SASH1: variants seen among roughly 807,000 people sequenced by gnomAD.
SASH1 encodes the protein SAM and SH3 domain containing 1.
In SASH1, 44 loss-of-function variants were observed where a neutral mutation model predicts 125.2. That is an observed-to-expected ratio of 0.35 (90% CI 0.28 to 0.45). SASH1 has a LOEUF of 0.45. Ranked by LOEUF, SASH1 falls within the 20% of genes least tolerant of loss-of-function variation. The pLI is 1.00. For synonymous variants in SASH1, 639 were observed against 649.1 expected (o/e 0.98, Z 0.24); for missense variants, 1,426 against 1,614.5 (o/e 0.88, Z 2.00).
At chr6:148,421,736 A>C (rs1785113129) in intron 2 of SASH1, among the ~76,000 whole-genome samples, 1 of 152,242 alleles carries the variant, frequency 6.6e-6, no homozygotes, top group Non-Finnish European at 1.5e-5. Flanking sequence ...CCCTGTTCTT[A>C]TCTTATACTT....
In SASH1 at chr6:148,377,185, AAAAAAAAAAC is replaced by A. The variant is rs1163634998; in HGVS notation, c.157-12939_157-12930del. 8.9e-3 allele frequency among the ~76,000 whole-genome samples: 520 copies of A among 58,198 alleles called. 7 individuals carry two copies. The highest frequency in any genetic ancestry group is 0.027 in the East Asian group (49 of 1,786). The allele number at this position is 58,198 out of a possible 152,430, so 38.2% of individuals were successfully genotyped here. On this transcript the variant is annotated intron_variant, in intron 1 of 19. Transcript: ENST00000367467. ...ACTCCGTCTCAAAAAAAAAAAAAAC[AAAAAAAAAAC>A]AAAAAAAAAACAAAACAAACAAACA...
intron 4 of SASH1, among the ~76,000 whole-genome samples, chr6:148,451,668 C>T (rs1382630378): frequency 1.3e-5 from 2 of 152,156 alleles, no homozygotes; most frequent in African/African-American, 4.8e-5. Context: ...CAACAGACGA[C>T]ATAATACCTT....
chr6:148,369,966 C>CAAAA (rs562924566), intron 1 of SASH1, among the ~76,000 whole-genome samples: 236 of 93,524 alleles, frequency 2.5e-3, no homozygotes, highest in Middle Eastern at 0.012. Context: ...AAAAGAAAAA[C>CAAAA]AAAAAAAAAA....
upstream of SASH1, among the ~76,000 whole-genome samples, chr6:148,341,819 A>G (rs1294444922): frequency 4.6e-5 from 7 of 152,144 alleles, no homozygotes; most frequent in Non-Finnish European, 7.4e-5. Context: ...AGCAAACTCC[A>G]TGTGGTTTCT....
At chr6:148,430,761 T>A (rs781676300) in intron 2 of SASH1, among the ~76,000 whole-genome samples, 5 of 152,182 alleles carry the variant, frequency 3.3e-5, no homozygotes, top group African/African-American at 1.2e-4. Flanking sequence ...CATGACTGGA[T>A]GTATAGCAGG....
intron 4 of SASH1, 110 bp from the exon 5 acceptor site, chr6:148,468,435 C>T (rs1777948210): frequency 1.3e-6 from 1 of 756,836 alleles, no homozygotes; most frequent in Non-Finnish European, 2.2e-6. Flanking sequence ...ATAACAATTT[C>T]CCTGGCTGTA....
chr6:148,338,927 C>T (rs763848855), upstream of SASH1, among the ~76,000 whole-genome samples: 50 of 150,180 alleles, frequency 3.3e-4, 1 homozygote, highest in African/African-American at 1.2e-3. Flanking sequence ...ATTGCTTGAA[C>T]CCAGGAGGGG....
chr6:148,304,141 A>G (rs1241616410), intron 1 of SASH1, among the ~76,000 whole-genome samples: 1 of 151,940 alleles, frequency 6.6e-6, no homozygotes, highest in Non-Finnish European at 1.5e-5. Flanking sequence ...TGTCTCTGCT[A>G]AAAATACAAA....
chr6:148,543,037 T>C (rs1189457472), intron 17 of SASH1, among the ~76,000 whole-genome samples: 1 of 152,240 alleles, frequency 6.6e-6, no homozygotes, highest in African/African-American at 2.4e-5. Context: ...AGTTCAGTTA[T>C]CAGTCTGGCA....
intron 8 of SASH1, among the ~76,000 whole-genome samples, chr6:148,491,966 C>G (rs1416228681): frequency 6.6e-6 from 1 of 152,152 alleles, no homozygotes; most frequent in East Asian, 1.9e-4. Context: ...ATGTAAATCA[C>G]GAACCTAAAG....
chr6:148,311,756 A>G, intron 1 of SASH1, among the ~76,000 whole-genome samples: 1 of 152,164 alleles, frequency 6.6e-6, no homozygotes, highest in East Asian at 1.9e-4. Context: ...GTGAGCCAAA[A>G]TGGCACCATA....
intron 2 of SASH1, among the ~76,000 whole-genome samples, chr6:148,404,934 G>A (rs1026056051): frequency 6.6e-6 from 1 of 151,366 alleles, no homozygotes; most frequent in Non-Finnish European, 1.5e-5. Context: ...TAGTCGCAAG[G>A]AGCTGCAGAA....
chr6:148,368,293 T>C (rs1261502763), intron 1 of SASH1, among the ~76,000 whole-genome samples: 2 of 152,146 alleles, frequency 1.3e-5, no homozygotes, highest in African/African-American at 4.8e-5. Context: ...TTTTTTGTTT[T>C]TTAGACAGAG....
intron 9 of SASH1, among the ~76,000 whole-genome samples, chr6:148,517,765 A>G (rs569120041): frequency 6.6e-6 from 1 of 152,320 alleles, no homozygotes; most frequent in African/African-American, 2.4e-5. Context: ...ATGTGACACC[A>G]AAGTATTGGA....
At chr6:148,424,193 A>G (rs1187855506) in intron 2 of SASH1, among the ~76,000 whole-genome samples, 1 of 151,674 alleles carries the variant, frequency 6.6e-6, no homozygotes, top group Non-Finnish European at 1.5e-5. Context: ...GTCTTTTAAA[A>G]AATTTTTTTT....
the SASH1 span, among the ~76,000 whole-genome samples, chr6:148,233,333 G>A: frequency 6.6e-6 from 1 of 152,086 alleles, no homozygotes; most frequent in Non-Finnish European, 1.5e-5. Flanking sequence ...ATGCTGTAGG[G>A]CTTTGCCCTC....
At chr6:148,458,435 A>G (rs1461189721) in intron 4 of SASH1, among the ~76,000 whole-genome samples, 1 of 152,192 alleles carries the variant, frequency 6.6e-6, no homozygotes, top group African/African-American at 2.4e-5. Context: ...CTCTGTAAGT[A>G]AGAAAGAAAA....
intron 1 of SASH1, among the ~76,000 whole-genome samples, chr6:148,307,060 C>CTTTA (rs1274469470): frequency 6.9e-6 from 1 of 145,886 alleles, no homozygotes; most frequent in African/African-American, 2.6e-5. Context: ...TTCTTTCTTT[C>CTTTA]TTTCTTTCTT....
At chr6:148,293,528 C>T (rs1779688080) in intron 1 of SASH1, among the ~76,000 whole-genome samples, 1 of 152,204 alleles carries the variant, frequency 6.6e-6, no homozygotes, top group African/African-American at 2.4e-5. Flanking sequence ...TGTGTGGAGG[C>T]TTTCCACCTG....
Sources: gnomAD v4.1 joint callset for allele counts (sites outside exome capture counted in the v4.1 genomes callset) on GRCh38, gnomAD v4.1.1 for gene constraint, MANE v1.5 for transcripts, NCBI Gene and HGNC (gene_info 2026-07-23, HGNC 2026-07-21) for gene names.